OTOGL: variants seen among roughly 807,000 people sequenced by gnomAD.
OTOGL encodes otogelin-like protein.
OTOGL carries 285 observed loss-of-function variants against 318.5 expected under a neutral mutation model. The observed-to-expected ratio is 0.89, with a 90% CI of 0.81 to 0.99. The LOEUF (loss-of-function observed/expected upper bound fraction) is 0.99, where lower values mean the gene tolerates loss of function less well. Ranked by LOEUF, OTOGL falls within the 50% of genes least tolerant of loss-of-function variation. The pLI is 0.00. For synonymous variants in OTOGL, 987 were observed against 936.5 expected (o/e 1.05, Z -0.99); for missense variants, 2,899 against 2,845.6 (o/e 1.02, Z -0.43).
At chr12:80,370,782 T>G in intron 56 of OTOGL, 93 bp downstream of exon 56, 1 of 948,604 alleles carries the variant, frequency 1.1e-6, no homozygotes, top group Non-Finnish European at 1.5e-6. Flanking sequence ...CATTGTGGCT[T>G]ATACATAATG....
intron 1 of OTOGL, among the ~76,000 whole-genome samples, chr12:80,185,136 G>A (rs913060204): frequency 6.6e-6 from 1 of 152,150 alleles, no homozygotes; most frequent in African/African-American, 2.4e-5. Context: ...TCCTAAAGTG[G>A]AGCATGAGAC....
chr12:80,259,962 C>T (rs1292214963), intron 18 of OTOGL, among the ~76,000 whole-genome samples: 1 of 152,068 alleles, frequency 6.6e-6, no homozygotes, highest in Admixed American at 6.6e-5. Flanking sequence ...GCTGAGCATT[C>T]AAAGTTAAAT....
chr12:80,280,200 T>A (rs770752347), intron 26 of OTOGL, among the ~76,000 whole-genome samples: 5 of 151,890 alleles, frequency 3.3e-5, no homozygotes, highest in Non-Finnish European at 7.4e-5. Context: ...TTATTAGGCC[T>A]TTGTAGGGTG....
Position 80,320,689 on chromosome 12 carries a change from T to G in OTOGL, c.4070T>G (p.Phe1357Cys). 1 of 1,601,852 alleles carries G rather than the reference T, an allele frequency of 6.2e-7. No homozygotes were observed. The highest frequency in any genetic ancestry group is 1.3e-5 in the African/African-American group (1 of 74,768). Residue 1357 changes from phenylalanine (F) to cysteine (C), a missense_variant, in exon 34 of 59, where the codon TTC becomes TGC. Phe to Cys is a radical substitution (Grantham distance 205). This residue lies in a region of OTOGL where 2,607 missense variants were observed against 2,524.9 expected (regional missense o/e 1.03). Coordinates refer to ENST00000547103, the MANE Select transcript of OTOGL (RefSeq NM_001378609.3). ...DSEEFKHSSS[F>C]SIEEIQAAVP... ...GAAGAATTTAAACATTCAAGTAGCT[T>G]CAGCATAGAAGGTATGTTTCCTGAG... is the stretch of plus-strand genomic sequence containing the variant.
At chr12:80,341,586 T>C (rs1299986124) in intron 43 of OTOGL, among the ~76,000 whole-genome samples, 2 of 152,174 alleles carry the variant, frequency 1.3e-5, no homozygotes, top group Non-Finnish European at 2.9e-5. Context: ...TGTCCATTAC[T>C]GTGGAAAGTA....
Position 80,376,177 on chromosome 12 carries a change from C to T in OTOGL, c.6782-946C>T, listed in dbSNP as rs11114418. Among the ~76,000 whole-genome samples the T allele has an allele frequency of 5.5e-3, 833 of 152,136 alleles. 8 individuals are homozygous for T. The highest frequency in any genetic ancestry group is 0.019 in the African/African-American group (809 of 41,514). On this transcript the variant is annotated intron_variant, in intron 57 of 58. Transcript: ENST00000547103. ...TTAGCAATTTGGAGGTCATGAGTGACCTTGAGGACAGTAACCCTTCAGTCA... is the reference window on the plus strand; with the variant it reads ...TTAGCAATTTGGAGGTCATGAGTGATCTTGAGGACAGTAACCCTTCAGTCA...
chr12:80,224,129 T>A (rs1349328002), intron 7 of OTOGL, among the ~76,000 whole-genome samples: 1 of 152,172 alleles, frequency 6.6e-6, no homozygotes, highest in Non-Finnish European at 1.5e-5. Flanking sequence ...AGGATCCAGT[T>A]TCATTCTTCT....
chr12:80,265,136 C>T lies in OTOGL; in HGVS notation c.2150C>T (p.Ala717Val). 1 of 1,613,890 alleles carries T rather than the reference C, an allele frequency of 6.2e-7. No individual in the cohort carries two copies. ...CKCGSSCLCN[A>V]LAHYAYLCGQ... ...TGTGGAAGCTCCTGCCTGTGCAATG[C>T]TCTTGCCCACTATGCCTACCTCTGC... The change falls in exon 20 of 59, where the codon GCT becomes GTT. Residue 717 changes from alanine to valine, a missense_variant. Ala to Val is a moderately conservative substitution (Grantham distance 64, BLOSUM62 0). Transcript: ENST00000547103.
At chr12:80,278,317 T>C in intron 25 of OTOGL, 42 bp downstream of exon 25, 1 of 1,379,720 alleles carries the variant, frequency 7.2e-7, no homozygotes, top group Non-Finnish European at 1.0e-6. Context: ...TCCTAAGTAA[T>C]TGTGTAAATT....
intron 1 of OTOGL, among the ~76,000 whole-genome samples, chr12:80,196,374 G>A (rs779028819): frequency 1.3e-5 from 2 of 152,078 alleles, no homozygotes; most frequent in African/African-American, 2.4e-5. Context: ...AAATGTAGAC[G>A]GGGTCTCAGA....
At chr12:80,141,920 T>G (rs904357782) in intron 1 of OTOGL, among the ~76,000 whole-genome samples, 1 of 152,026 alleles carries the variant, frequency 6.6e-6, no homozygotes, top group African/African-American at 2.4e-5. Flanking sequence ...AGTACCCTCA[T>G]GGCCACTCTG....
intron 29 of OTOGL, among the ~76,000 whole-genome samples, chr12:80,306,447 A>G (rs1355039360): frequency 6.6e-6 from 1 of 152,288 alleles, no homozygotes; most frequent in East Asian, 1.9e-4. Flanking sequence ...TTTTCAATTG[A>G]TAAGAGTGTT....
chr12:80,368,706 G>C (rs1366089308), intron 55 of OTOGL, among the ~76,000 whole-genome samples: 1 of 151,912 alleles, frequency 6.6e-6, no homozygotes, highest in Non-Finnish European at 1.5e-5. Flanking sequence ...GAGGTTCATG[G>C]AAGACCTTAA....
intron 11 of OTOGL, among the ~76,000 whole-genome samples, chr12:80,240,027 T>C (rs1200188162): frequency 6.6e-6 from 1 of 152,128 alleles, no homozygotes; most frequent in Non-Finnish European, 1.5e-5. Context: ...TGACCTCCAG[T>C]TTCATCCATG....
intron 4 of OTOGL, among the ~76,000 whole-genome samples, chr12:80,214,932 C>A (rs1023324162): frequency 1.3e-5 from 2 of 152,210 alleles, no homozygotes; most frequent in African/African-American, 2.4e-5. Flanking sequence ...GCATGTCACA[C>A]CTTAGCCTTG....
chr12:80,164,600 G>C (rs1354329657), intron 1 of OTOGL, among the ~76,000 whole-genome samples: 1 of 151,958 alleles, frequency 6.6e-6, no homozygotes, highest in Non-Finnish European at 1.5e-5. Context: ...GTTCATTTCT[G>C]ACTGTTTCAT....
intron 6 of OTOGL, among the ~76,000 whole-genome samples, chr12:80,220,663 T>C (rs1213254960): frequency 1.6e-5 from 2 of 125,276 alleles, no homozygotes; most frequent in South Asian, 2.3e-4. Flanking sequence ...GATAGGATTC[T>C]ATGTCAATAA....
At chr12:80,373,785 T>C (rs1592457961) in intron 57 of OTOGL, among the ~76,000 whole-genome samples, 3 of 152,200 alleles carry the variant, frequency 2.0e-5, no homozygotes, top group South Asian at 4.2e-4. Flanking sequence ...GTCCAAGTCA[T>C]ACCTCTTGTA....
rs775954206 is a variant in OTOGL at position 80,305,640 on chromosome 12, A to G, written c.3278A>G (p.Asn1093Ser). 1.9e-6 allele frequency: 3 copies of G among 1,584,650 alleles called. No homozygotes were observed. Among genetic ancestry groups the G allele is most frequent in the Non-Finnish European group, 2.6e-6 (3 of 1,174,150 alleles). Residue 1093 changes from asparagine to serine, a missense_variant, in exon 29 of 59, where the codon AAT (asparagine) becomes AGT (serine). Physicochemically the swap from Asn to Ser is conservative, Grantham distance 46 (BLOSUM62 1). Around this residue, in one of 3 missense-constraint regions of OTOGL, gnomAD observed 2,607 missense variants for 2,524.9 expected, o/e 1.03. Coordinates refer to ENST00000547103, the MANE Select transcript of OTOGL (RefSeq NM_001378609.3). ...KCTSNDMTTSNNLEVRNARVF... is the reference protein window; with the variant it reads ...KCTSNDMTTSSNLEVRNARVF... Reference sequence around the variant, plus strand: ...ACTTCAAATGATATGACCACATCTAATAACTTGGAAGTGAGAAATGCTCGG... The same window carrying G: ...ACTTCAAATGATATGACCACATCTAGTAACTTGGAAGTGAGAAATGCTCGG...
Sources: gnomAD v4.1 joint callset for allele counts (sites outside exome capture counted in the v4.1 genomes callset) on GRCh38, gnomAD v4.1.1 for gene constraint, gnomAD v4.1.1 regional missense constraint, MANE v1.5 for transcripts, NCBI Gene and HGNC (gene_info 2026-07-23, HGNC 2026-07-21) for gene names.